OSBPL10: variants seen among roughly 807,000 people sequenced by gnomAD.
OSBPL10 encodes the protein oxysterol binding protein like 10, also known as oxysterol-binding protein-related protein 10.
In OSBPL10, 49 loss-of-function variants were observed where a neutral mutation model predicts 81.7. That is an observed-to-expected ratio of 0.60 (90% CI 0.48 to 0.76). The LOEUF (loss-of-function observed/expected upper bound fraction) is 0.76. Ranked by LOEUF, OSBPL10 falls within the 30% of genes least tolerant of loss-of-function variation. OSBPL10 has a pLI of 0.00. For missense variants in OSBPL10, 923 were observed against 987.8 expected (o/e 0.93, Z 0.88); for synonymous variants, 419 against 383.6 (o/e 1.09, Z -1.08).
At chr3:32,016,116 A>G (rs1699311305) in intron 2 of OSBPL10, among the ~76,000 whole-genome samples, 1 of 152,210 alleles carries the variant, frequency 6.6e-6, no homozygotes, top group Non-Finnish European at 1.5e-5. Flanking sequence ...AAAGGATTAT[A>G]AATCATGCTG....
In OSBPL10 at chr3:31,769,471, A is replaced by AT. The variant is rs1553623634; in HGVS notation, c.730-21352_730-21351insA. Among the ~76,000 whole-genome samples, 18 of 31,284 alleles carry AT rather than the reference A, an allele frequency of 5.8e-4. 4 individuals are homozygous for AT. Among genetic ancestry groups the AT allele is most frequent in the Admixed American group, 1.1e-3 (2 of 1,816 alleles). 20.5% of individuals were successfully genotyped at this position (31,284 alleles called of 152,430 possible). Reference sequence around the variant, plus strand: ...AAAAAAAAAAAAACAAAAAAAAAACAAAAAAAAACAGAATAAAAATATATT... The same window carrying AT: ...AAAAAAAAAAAAACAAAAAAAAAACATAAAAAAAACAGAATAAAAATATATT... On this transcript the variant is annotated intron_variant, in intron 4 of 11. Transcript: ENST00000396556.
At chr3:31,967,770 G>C (rs1337826519) in intron 1 of OSBPL10, among the ~76,000 whole-genome samples, 1 of 152,170 alleles carries the variant, frequency 6.6e-6, no homozygotes, top group East Asian at 1.9e-4. Context: ...TTTCATTGTA[G>C]TTAATCTCTG....
At chr3:31,783,912 A>G (rs1298468739) in intron 4 of OSBPL10, among the ~76,000 whole-genome samples, 4 of 146,296 alleles carry the variant, frequency 2.7e-5, no homozygotes, top group African/African-American at 1.0e-4. Flanking sequence ...CATTATAAAC[A>G]AGATAGAAAT....
At chr3:31,677,952 G>C (rs1411386150) in intron 8 of OSBPL10, among the ~76,000 whole-genome samples, 1 of 150,962 alleles carries the variant, frequency 6.6e-6, no homozygotes, top group East Asian at 1.9e-4. Context: ...GCGGTGGCGG[G>C]CGCCTGTAGT....
Position 31,807,374 on chromosome 3 carries a change from A to AAAATAAATAAATAAATAAAT in OSBPL10, c.729+22646_729+22665dup, listed in dbSNP as rs536299438. 5.5e-3 allele frequency among the ~76,000 whole-genome samples: 749 copies of AAAATAAATAAATAAATAAAT among 137,424 alleles called. 3 individuals are homozygous for AAAATAAATAAATAAATAAAT. The highest frequency in any genetic ancestry group is 0.01 in the Middle Eastern group (3 of 286). 90.2% of individuals were successfully genotyped at this position (137,424 alleles called of 152,430 possible). ...GGCGACAGAGCAAGACTGTCTCAGA[A>AAAATAAATAAATAAATAAAT]AAATAAATAAATAAATAAATAAATA... On this transcript the variant is annotated intron_variant, in intron 4 of 11. Coordinates refer to ENST00000396556, the MANE Select transcript of OSBPL10 (RefSeq NM_017784.5).
intron 1 of OSBPL10, among the ~76,000 whole-genome samples, chr3:31,926,289 G>GTCCCCCC (rs1553641096): frequency 7.7e-6 from 1 of 130,114 alleles, no homozygotes; most frequent in Admixed American, 7.9e-5. Context: ...GGGTGATTTT[G>GTCCCCCC]CCCCCCCAGA....
chr3:31,684,259 C>T, intron 7 of OSBPL10, 145 bp from the exon 8 acceptor site: 1 of 1,074,404 alleles, frequency 9.3e-7, no homozygotes, highest in Non-Finnish European at 1.3e-6. Context: ...GCACACATGA[C>T]AAACCAAGGG....
chr3:31,895,980 A>G (rs893798982), intron 1 of OSBPL10, among the ~76,000 whole-genome samples: 1 of 152,180 alleles, frequency 6.6e-6, no homozygotes, highest in Non-Finnish European at 1.5e-5. Flanking sequence ...CACTGCTGCT[A>G]TATCCTCAAT....
chr3:31,681,904 C>A (rs1700659460), intron 8 of OSBPL10, among the ~76,000 whole-genome samples: 1 of 152,186 alleles, frequency 6.6e-6, no homozygotes, highest in South Asian at 2.1e-4. Flanking sequence ...TAAACCCTAA[C>A]AACCGCCCTG....
intron 3 of OSBPL10, among the ~76,000 whole-genome samples, chr3:31,865,404 CA>C (rs1701153686): frequency 6.6e-6 from 1 of 152,190 alleles, no homozygotes; most frequent in Admixed American, 6.5e-5. Context: ...TATTGCACAG[CA>C]TAGTTTTAAA....
In OSBPL10 at chr3:31,809,869, C is replaced by CTTTTTTTTTTTTTTTTTTTTTTTTTT. The variant is rs34795137; in HGVS notation, c.729+20170_729+20171insAAAAAAAAAAAAAAAAAAAAAAAAAA. Among the ~76,000 whole-genome samples, 26 of 98,622 alleles carry CTTTTTTTTTTTTTTTTTTTTTTTTTT rather than the reference C, an allele frequency of 2.6e-4. 3 individuals are homozygous for CTTTTTTTTTTTTTTTTTTTTTTTTTT. The highest frequency in any genetic ancestry group is 1.4e-3 in the African/African-American group (26 of 18,426). 64.7% of individuals were successfully genotyped at this position (98,622 alleles called of 152,430 possible). ...AAATGTCAATGGGTGCCCCCTGACT[C>CTTTTTTTTTTTTTTTTTTTTTTTTTT]TTTTTTTTTTTTTTTTTTTGAGATG... On this transcript the variant is annotated intron_variant, in intron 4 of 11. Transcript: ENST00000396556.
chr3:31,684,185 G>A, intron 7 of OSBPL10, 71 bp from the exon 8 acceptor site: 2 of 1,567,592 alleles, frequency 1.3e-6, no homozygotes, highest in South Asian at 2.4e-5. Context: ...AAAGGTAAAG[G>A]CTGCAACCAC....
At chr3:31,881,425 G>A (rs567372566) in intron 1 of OSBPL10, among the ~76,000 whole-genome samples, 1 of 152,222 alleles carries the variant, frequency 6.6e-6, no homozygotes, top group Admixed American at 6.5e-5. Context: ...TCAACATACC[G>A]TCTGTACTAC....
intron 4 of OSBPL10, among the ~76,000 whole-genome samples, chr3:31,810,036 T>G (rs150533686): frequency 0.014 from 2,188 of 152,066 alleles, 19 homozygotes; most frequent in Non-Finnish European, 0.02. Flanking sequence ...CACGCCCGGC[T>G]AATTTCGTAT....
chr3:31,881,041 G>T (rs557534609), intron 1 of OSBPL10, among the ~76,000 whole-genome samples: 1 of 152,260 alleles, frequency 6.6e-6, no homozygotes, highest in African/African-American at 2.4e-5. Context: ...CTGGAATATG[G>T]TTCCTACCCC....
intron 1 of OSBPL10, among the ~76,000 whole-genome samples, chr3:31,959,527 G>A (rs60011854): frequency 0.17 from 25,522 of 152,008 alleles, 2,570 homozygotes; most frequent in South Asian, 0.28. Flanking sequence ...TGAAGTTTTC[G>A]CCATCACTCA....
chr3:31,748,261 A>T (rs1697599086), intron 4 of OSBPL10, 141 bp from the exon 5 acceptor site: 6 of 750,010 alleles, frequency 8.0e-6, no homozygotes, highest in Non-Finnish European at 1.1e-5. Flanking sequence ...TCTTTTGATA[A>T]ATACTCAATC....
intron 2 of OSBPL10, among the ~76,000 whole-genome samples, chr3:31,997,304 C>T (rs1035463922): frequency 2.0e-5 from 3 of 151,160 alleles, no homozygotes; most frequent in Non-Finnish European, 4.4e-5. Context: ...CTCACTCTGT[C>T]GCCAGGCTGG....
At chr3:31,793,942 G>A (rs1699106942) in intron 4 of OSBPL10, among the ~76,000 whole-genome samples, 1 of 152,166 alleles carries the variant, frequency 6.6e-6, no homozygotes, top group African/African-American at 2.4e-5. Flanking sequence ...ATTGTATTAG[G>A]CTTTAGAAGT....
Sources: allele counts gnomAD v4.1 joint callset (sites outside exome capture counted in the v4.1 genomes callset), GRCh38; gene constraint gnomAD v4.1.1; transcripts MANE v1.5; gene names NCBI Gene and HGNC (gene_info 2026-07-23, HGNC 2026-07-21).